TIMP2: variants seen among roughly 807,000 people sequenced by gnomAD.
TIMP2 encodes the protein TIMP metallopeptidase inhibitor 2.
TIMP2 carries 5 observed loss-of-function variants against 24.3 expected under a neutral mutation model. The ratio of observed to expected loss-of-function variants is 0.21; its 90% CI spans 0.11 to 0.43. TIMP2 has a LOEUF of 0.43. Ranked by LOEUF, TIMP2 falls within the 20% of genes least tolerant of loss-of-function variation. The probability of loss-of-function intolerance (pLI) is 1.00; values close to 1 mark genes in which losing one functional copy is unlikely to be tolerated. For missense variants in TIMP2, 221 were observed against 297.5 expected, an observed-to-expected ratio of 0.74 and a Z score of 1.89; for synonymous variants, 130 against 123.2, an observed-to-expected ratio of 1.06 and a Z score of -0.37.
At chr17:78,879,193 C>T (rs1024818564) in intron 1 of TIMP2, among the ~76,000 whole-genome samples, 6 of 152,194 alleles carry the variant, frequency 3.9e-5, no homozygotes, top group African/African-American at 1.4e-4. Context: ...AGATGACAGA[C>T]GATGGATAGG....
At position 78,867,321 on chromosome 17, in the gene TIMP2, G is replaced by C. The variant is rs771603389; in HGVS notation, c.340+3577C>G. On this transcript the variant is annotated intron_variant, in intron 3 of 4. Coordinates refer to ENST00000262768, the MANE Select transcript of TIMP2 (RefSeq NM_003255.5). Reference sequence around the variant, plus strand: ...GAAGTCCAGAAATGCATCTTAAAAGGGGGGGAAGTCTCCTATTATCCCCAA... The same window carrying C: ...GAAGTCCAGAAATGCATCTTAAAAGCGGGGGAAGTCTCCTATTATCCCCAA... Among the ~76,000 whole-genome samples, 23 of 152,258 alleles carry C rather than the reference G, an allele frequency of 1.5e-4. No homozygotes were observed. The East Asian group carries it at 1.7e-3, about 11-fold the overall frequency.
chr17:78,917,572 GC>G lies in TIMP2; in HGVS notation c.130+7386del, dbSNP rs539051857. Among the ~76,000 whole-genome samples, 24 of 152,286 alleles carry G rather than the reference GC, an allele frequency of 1.6e-4. No homozygotes were observed. In the East Asian group the frequency reaches 4.6e-3, roughly 29 times the overall value. On this transcript the variant is annotated intron_variant, in intron 1 of 4. Transcript: ENST00000262768. ...CAGGTATCTAAGACATAGACACCAGGCCCTTCCTAACTGGTGAGGTCTGGAG... is the reference window on the plus strand; with the variant it reads ...CAGGTATCTAAGACATAGACACCAGGCCTTCCTAACTGGTGAGGTCTGGAG...
intron 1 of TIMP2, chr17:78,899,565 A>G (rs1398624127): frequency 6.6e-6 from 1 of 152,288 alleles, no homozygotes; most frequent in Non-Finnish European, 1.5e-5. Context: ...AAAGCCTGGC[A>G]ATCTCTGGGC....
chr17:78,923,701 CAAGCCTTCCGCCCAGGTGGCCTG>C (rs1235998343), intron 1 of TIMP2, among the ~76,000 whole-genome samples: 3 of 152,118 alleles, frequency 2.0e-5, no homozygotes, highest in Non-Finnish European at 2.9e-5. Flanking sequence ...AGGCACACAC[CAAGCCTTCCGCCCAGGTGGCCTG>C]AGCCACCTGA....
At chr17:78,888,957 AAGGG>A (rs1238429010) in intron 1 of TIMP2, among the ~76,000 whole-genome samples, 1 of 152,184 alleles carries the variant, frequency 6.6e-6, no homozygotes, top group Non-Finnish European at 1.5e-5. Context: ...AGGTTGTTGG[AAGGG>A]AGGGAGAGAG....
intron 1 of TIMP2, among the ~76,000 whole-genome samples, chr17:78,882,751 G>A (rs983264693): frequency 2.6e-5 from 4 of 152,244 alleles, no homozygotes; most frequent in African/African-American, 7.2e-5. Context: ...TGGAGGCCAC[G>A]CCTCTCCCAA....
chr17:78,914,813 CT>C (rs1005757557), intron 1 of TIMP2, among the ~76,000 whole-genome samples: 3 of 152,042 alleles, frequency 2.0e-5, no homozygotes, highest in African/African-American at 7.2e-5. Flanking sequence ...TCTGGAACTC[CT>C]GGGCTCAAGT....
At chr17:78,902,572 G>A (rs915765477) in intron 1 of TIMP2, 1 of 152,480 alleles carries the variant, frequency 6.6e-6, no homozygotes, top group Non-Finnish European at 1.5e-5. Context: ...AGCTCTCCAG[G>A]GTGGAGATGG....
intron 3 of TIMP2, among the ~76,000 whole-genome samples, chr17:78,865,390 C>A (rs1332936738): frequency 1.3e-5 from 2 of 151,812 alleles, no homozygotes; most frequent in African/African-American, 4.8e-5. Flanking sequence ...TTTGGGAGGC[C>A]GAGGTGGGCG....
At chr17:78,875,935 T>C (rs2069724095) in intron 1 of TIMP2, among the ~76,000 whole-genome samples, 3 of 152,132 alleles carry the variant, frequency 2.0e-5, no homozygotes, top group African/African-American at 7.2e-5. Context: ...CCTTTCTTCT[T>C]TCTTCTTCTG....
chr17:78,856,224 T>A, intron 4 of TIMP2: 1 of 276,100 alleles, frequency 3.6e-6, no homozygotes, highest in African/African-American at 2.1e-5. Context: ...TCCAGCCCAG[T>A]GTTGCTCGCA....
chr17:78,892,348 G>A (rs937177060), intron 1 of TIMP2: 10 of 1,550,500 alleles, frequency 6.4e-6, no homozygotes, highest in African/African-American at 2.7e-5. Flanking sequence ...TCCTGTCTGC[G>A]AACCCAGCAG....
intron 1 of TIMP2, chr17:78,892,338 T>C: frequency 6.4e-7 from 1 of 1,550,606 alleles, no homozygotes; most frequent in Non-Finnish European, 8.7e-7. Flanking sequence ...ATGTTTCTGT[T>C]CCTGTCTGCG....
At chr17:78,866,311 G>GT (rs1053075962) in intron 3 of TIMP2, among the ~76,000 whole-genome samples, 16 of 151,778 alleles carry the variant, frequency 1.1e-4, no homozygotes, top group African/African-American at 1.9e-4. Context: ...CCTCCTCTGT[G>GT]TTTTTTTTGA....
chr17:78,888,205 G>A (rs977299369), intron 1 of TIMP2, among the ~76,000 whole-genome samples: 35 of 151,080 alleles, frequency 2.3e-4, no homozygotes, highest in Middle Eastern at 3.4e-3. Context: ...TGACACCCAG[G>A]CTGGAGTGCA....
chr17:78,862,976 G>A (rs1207554702), intron 3 of TIMP2, among the ~76,000 whole-genome samples: 2 of 152,216 alleles, frequency 1.3e-5, no homozygotes, highest in South Asian at 2.1e-4. Context: ...GAGCACTTGG[G>A]TTGATTCTGT....
intron 3 of TIMP2, among the ~76,000 whole-genome samples, chr17:78,858,182 C>G (rs1645659635): frequency 6.6e-6 from 1 of 152,148 alleles, no homozygotes; most frequent in African/African-American, 2.4e-5. Context: ...GTGGCTCATG[C>G]CTGTAATCCC....
In TIMP2 at chr17:78,854,964, C is replaced by T. The variant is rs1040180621; in HGVS notation, c.*703G>A. 1.3e-5 allele frequency: 2 copies of T among 149,126 alleles called. No individual in the cohort carries two copies. Among genetic ancestry groups the T allele is most frequent in the African/African-American group, 2.5e-5 (1 of 40,374 alleles). The allele number at this position is 149,126 out of a possible 1,614,324, so 9.2% of individuals were successfully genotyped here. A position where few individuals can be genotyped will look rare whatever the true frequency, so the allele number is the denominator to read the frequency against. The stretch of plus-strand genomic sequence containing the variant: ...GGGGTGGGTGCAGACCAAAAAGACT[C>T]AGCTGAGGCTGGAACGCAGCTCAGC... On this transcript the variant is annotated 3_prime_UTR_variant, in exon 5 of 5. Transcript: ENST00000262768.
At chr17:78,914,893 G>A (rs1324033897) in intron 1 of TIMP2, among the ~76,000 whole-genome samples, 1 of 131,208 alleles carries the variant, frequency 7.6e-6, no homozygotes, top group Non-Finnish European at 1.6e-5. Context: ...GGCCAGTCTG[G>A]GCTTTTTCTT....
Sources: allele counts gnomAD v4.1 joint callset (sites outside exome capture counted in the v4.1 genomes callset), GRCh38; gene constraint gnomAD v4.1.1; transcripts MANE v1.5; gene names NCBI Gene and HGNC (gene_info 2026-07-23, HGNC 2026-07-21).